The following DDX55 variants were observed in gnomAD, a reference collection of about 807,000 sequenced individuals.
DDX55 encodes the protein DEAD-box helicase 55.
In DDX55, 56 loss-of-function variants were observed where a neutral mutation model predicts 69.2. That is an observed-to-expected ratio of 0.81 (90% confidence interval 0.65 to 1.01). DDX55 has a LOEUF of 1.01. Among genes scored for constraint, DDX55 ranks in the 50% least tolerant of loss-of-function variants. The pLI, the probability that DDX55 is intolerant of heterozygous loss-of-function variation, is 0.00. For synonymous variants in DDX55, 268 were observed against 273.1 expected, an observed-to-expected ratio of 0.98 and a Z score of 0.18; for missense variants, 720 against 745.1, an observed-to-expected ratio of 0.97 and a Z score of 0.39.
At position 123,610,098 on chromosome 12, in the gene DDX55, G is replaced by A. The variant is rs765975355; in HGVS notation, c.711G>A (p.Lys237=). The part of the protein sequence containing the change: ...EKGVAASSAQ[K]TPSRLENYYM... ...GCGTGGCAGCCAGCAGTGCCCAGAA[G>A]ACCCCCTCCCGCCTGGAAAACTACT... Residue 237 remains lysine (K), a synonymous_variant, in exon 7 of 14, where the codon AAG becomes AAA. Coordinates refer to ENST00000238146, the MANE Select transcript of DDX55 (RefSeq NM_020936.3). 1.2e-6 allele frequency: 2 copies of A among 1,614,058 alleles called. No homozygotes were observed. Among genetic ancestry groups the A allele is most frequent in the Non-Finnish European group, 1.7e-6 (2 of 1,180,002 alleles).
chr12:123,620,169 A>G lies in DDX55; in HGVS notation c.*29A>G. The G allele has an allele frequency of 6.3e-7, 1 of 1,589,242 alleles. No homozygotes were observed. Among genetic ancestry groups the G allele is most frequent in the Non-Finnish European group, 8.6e-7 (1 of 1,165,748 alleles). On this transcript the variant is annotated 3_prime_UTR_variant, in exon 14 of 14. Coordinates refer to ENST00000238146, the MANE Select transcript of DDX55 (RefSeq NM_020936.3). ...CAGTGCCACAGATGAACCCACAAGGACATAGCTGTTCCCTAACTTGGTGGA... is the reference window on the plus strand; with the variant it reads ...CAGTGCCACAGATGAACCCACAAGGGCATAGCTGTTCCCTAACTTGGTGGA...
intron 7 of DDX55, 89 bp downstream of exon 7, chr12:123,610,217 C>A: frequency 6.9e-7 from 1 of 1,450,096 alleles, no homozygotes. Context: ...ATGTGAGACC[C>A]TGTAGCACCT....
At chr12:123,608,879 C>T (rs1566186082) in intron 6 of DDX55, 50 bp downstream of exon 6, 3 of 1,506,444 alleles carry the variant, frequency 2.0e-6, no homozygotes, top group Non-Finnish European at 2.7e-6. Flanking sequence ...GATACTAATA[C>T]AAAAGGGGAG....
At chr12:123,614,704 A>G (rs1954523169) in intron 8 of DDX55, among the ~76,000 whole-genome samples, 1 of 152,148 alleles carries the variant, frequency 6.6e-6, no homozygotes. Context: ...CCAAGTCCCA[A>G]ATATCTGGGA....
At chr12:123,607,833 T>A in intron 5 of DDX55, 171 bp downstream of exon 5, 1 of 828,040 alleles carries the variant, frequency 1.2e-6, no homozygotes. Flanking sequence ...CTCCTTCCCA[T>A]AAGGCCCTGA....
intron 10 of DDX55, 168 bp downstream of exon 10, chr12:123,616,771 A>C (rs1290821709): frequency 5.6e-6 from 4 of 709,116 alleles, no homozygotes; most frequent in Non-Finnish European, 9.9e-6. Context: ...GCTTGCCAGA[A>C]CAGTTTTGAA....
intron 3 of DDX55, among the ~76,000 whole-genome samples, chr12:123,607,038 C>T (rs1953934674): frequency 6.6e-6 from 1 of 152,032 alleles, no homozygotes; most frequent in South Asian, 2.1e-4. Context: ...GTGCTGTTGG[C>T]CACGAGTTCA....
rs147043899 is a variant in DDX55 at position 123,619,246 on chromosome 12, G to A, written c.1334-186G>A. Among the ~76,000 whole-genome samples the A allele has an allele frequency of 9.2e-4, 140 of 152,220 alleles. 2 individuals are homozygous for A. In the East Asian group the frequency reaches 0.021, roughly 23 times the overall value. ...TCTCGATCTCCTGACCTCGTGATCC[G>A]CCCACCTCGGCCTCGCAAAGTGCTG... On this transcript the variant is annotated intron_variant, in intron 12 of 13. Transcript: ENST00000238146.
At position 123,620,566 on chromosome 12, in the gene DDX55, G is replaced by A. The variant is rs1955051445; in HGVS notation, c.*426G>A. ...TATTTATCATGATGGGTCACATATA[G>A]ACATATGTACATATTATATATATAT... On this transcript the variant is annotated 3_prime_UTR_variant, in exon 14 of 14. Transcript: ENST00000238146. The A allele has an allele frequency of 2.1e-5, 2 of 97,098 alleles. No individual in the cohort carries two copies. The highest frequency in any genetic ancestry group is 3.8e-5 in the African/African-American group (1 of 26,570). The allele number at this position is 97,098 out of a possible 1,614,324, so 6.0% of individuals were successfully genotyped here. A position where few individuals can be genotyped will look rare whatever the true frequency, so the allele number is the denominator to read the frequency against.
At chr12:123,618,009 G>A in intron 11 of DDX55, 137 bp downstream of exon 11, 1 of 717,540 alleles carries the variant, frequency 1.4e-6, no homozygotes, top group East Asian at 2.9e-5. Flanking sequence ...GGGGGGCCCT[G>A]GTGGGGTTTT....
In DDX55 at chr12:123,620,324, A is replaced by T. The variant is rs1955042475; in HGVS notation, c.*184A>T. ...CACACTTCAGAATATTTTACTAAAA[A>T]CATTCCAGTCTTGGCCGGGTGCGGT... is the stretch of plus-strand genomic sequence containing the variant. On this transcript the variant is annotated 3_prime_UTR_variant, in exon 14 of 14. Coordinates refer to ENST00000238146, the MANE Select transcript of DDX55 (RefSeq NM_020936.3). 2 of 595,838 alleles carry T rather than the reference A, an allele frequency of 3.4e-6. No individual in the cohort carries two copies. Among genetic ancestry groups the T allele is most frequent in the East Asian group, 6.4e-5 (2 of 31,422 alleles). 36.9% of individuals were successfully genotyped at this position (595,838 alleles called of 1,614,324 possible). A position where few individuals can be genotyped will look rare whatever the true frequency, so the allele number is the denominator to read the frequency against.
Position 123,607,424 on chromosome 12 carries a change from G to A in DDX55, c.247-8G>A, listed in dbSNP as rs769430853. 1.2e-6 allele frequency: 2 copies of A among 1,613,808 alleles called. No homozygotes were observed. Among genetic ancestry groups the A allele is most frequent in the African/African-American group, 1.3e-5 (1 of 74,918 alleles). ...TGCTGACTGTGTCCCTTCCTTCCATGTGGGTAGGTTGGAGCCATAATCATC... is the reference window on the plus strand; with the variant it reads ...TGCTGACTGTGTCCCTTCCTTCCATATGGGTAGGTTGGAGCCATAATCATC... On this transcript the variant is annotated splice_region_variant and splice_polypyrimidine_tract_variant and intron_variant, in intron 3 of 13. Transcript: ENST00000238146.
rs1955081869 is a variant in DDX55, at chr12:123,620,823, T to C, written c.*683T>C. 1 of 151,674 alleles carries C rather than the reference T, an allele frequency of 6.6e-6. No individual in the cohort carries two copies. Among genetic ancestry groups the C allele is most frequent in the Non-Finnish European group, 1.5e-5 (1 of 67,960 alleles). The allele number at this position is 151,674 out of a possible 1,614,324, so 9.4% of individuals were successfully genotyped here. ...ATGTGCTGGGGTTTTTCTGTGTTAA[T>C]AGTCACAGTATTGTTTTATTGGTGA... On this transcript the variant is annotated 3_prime_UTR_variant, in exon 14 of 14. Transcript: ENST00000238146.
In DDX55 at chr12:123,605,957, A is replaced by G. The variant is rs1473440890; in HGVS notation, c.135A>G (p.Arg45=). 1 of 1,614,134 alleles carries G rather than the reference A, an allele frequency of 6.2e-7. No individual in the cohort carries two copies. The highest frequency in any genetic ancestry group is 1.7e-5 in the Admixed American group (1 of 60,014). Residue 45 remains arginine (R), a synonymous_variant, in exon 2 of 14, where the codon CGA becomes CGG. Transcript: ENST00000238146. ...CCGCAACCATCCCTCTGTTCATGCG[A>G]AACAAAGATGTCGCTGCAGAAGCGG... ...VQSATIPLFM[R]NKDVAAEAVT... is the part of the protein sequence containing the mutation.
chr12:123,607,674 C>T lies in DDX55; in HGVS notation c.401+12C>T, dbSNP rs1281124384. 9 of 1,613,854 alleles carry T rather than the reference C, an allele frequency of 5.6e-6. No homozygotes were observed. The highest frequency in any genetic ancestry group is 2.2e-5 in the East Asian group (1 of 44,888). On this transcript the variant is annotated intron_variant, in intron 5 of 13. Transcript: ENST00000238146. Reference sequence around the variant, plus strand: ...TTTAAGCAACAAGGGTGAGTTTGCTCGTGTCTGCTTGTTTCTTTGCTTGCT... The same window carrying T: ...TTTAAGCAACAAGGGTGAGTTTGCTTGTGTCTGCTTGTTTCTTTGCTTGCT...
At chr12:123,610,921 G>A (rs1354751176) in intron 7 of DDX55, among the ~76,000 whole-genome samples, 2 of 142,442 alleles carry the variant, frequency 1.4e-5, no homozygotes, top group African/African-American at 5.4e-5. Context: ...TTTGTTTTGA[G>A]ACGGGGTCTC....
At chr12:123,619,917 A>G (rs1472041361) in intron 13 of DDX55, 47 bp from the exon 14 acceptor site, 7 of 1,580,412 alleles carry the variant, frequency 4.4e-6, no homozygotes, top group Admixed American at 1.9e-5. Flanking sequence ...TCACTACAAC[A>G]CTATTGCTGA....
In DDX55 at chr12:123,618,430, G is replaced by A. The variant is rs1024513463; in HGVS notation, c.1165-239G>A. 19 of 1,202,982 alleles carry A rather than the reference G, an allele frequency of 1.6e-5. No homozygotes were observed. In the African/African-American group the frequency reaches 2.2e-4, roughly 14 times the overall value. The allele number at this position is 1,202,982 out of a possible 1,614,324, so 74.5% of individuals were successfully genotyped here. ...GTTACTTCTTGTGAATAGAGACCCAGTGTTGCCATACTTTGCTACCAGATT... is the reference window on the plus strand; with the variant it reads ...GTTACTTCTTGTGAATAGAGACCCAATGTTGCCATACTTTGCTACCAGATT... On this transcript the variant is annotated intron_variant, in intron 11 of 13. Transcript: ENST00000238146.
intron 6 of DDX55, 34 bp from the exon 7 acceptor site, chr12:123,609,905 G>T: frequency 1.3e-6 from 2 of 1,591,566 alleles, no homozygotes; most frequent in Non-Finnish European, 1.7e-6. Context: ...CTGCTGGCAA[G>T]TGAGCGGTTA....
Sources: allele counts gnomAD v4.1 joint callset (sites outside exome capture counted in the v4.1 genomes callset), GRCh38; gene constraint gnomAD v4.1.1; transcripts MANE v1.5; gene names NCBI Gene and HGNC (gene_info 2026-07-23, HGNC 2026-07-21).